Variants in TIMD4 observed in about 807,000 individuals in gnomAD.
TIMD4 encodes T-cell immunoglobulin and mucin domain-containing protein 4.
A neutral mutation model predicts 41.2 loss-of-function variants in TIMD4; 31 were observed. The observed-to-expected ratio is 0.75, with a 90% CI of 0.57 to 1.01. TIMD4 has a LOEUF of 1.01. Ranked by LOEUF, TIMD4 falls within the 50% of genes least tolerant of loss-of-function variation. TIMD4 has a pLI of 0.00. For missense variants in TIMD4, 479 were observed against 472.5 expected (o/e 1.01, Z -0.13); for synonymous variants, 204 against 177.1 (o/e 1.15, Z -1.21).
intron 3 of TIMD4, among the ~76,000 whole-genome samples, chr5:156,950,417 A>G (rs745586507): frequency 1.3e-5 from 2 of 152,276 alleles, no homozygotes; most frequent in Non-Finnish European, 2.9e-5. Flanking sequence ...AAAAATACAT[A>G]CAAGAATTGA....
chr5:156,942,771 C>T (rs1420759308), intron 5 of TIMD4, among the ~76,000 whole-genome samples: 5 of 152,198 alleles, frequency 3.3e-5, no homozygotes, highest in African/African-American at 1.2e-4. Context: ...TGGACCACAG[C>T]TCTTTTTCAG....
intron 6 of TIMD4, chr5:156,924,114 G>A (rs971724451): frequency 1.1e-5 from 3 of 273,160 alleles, no homozygotes; most frequent in African/African-American, 2.2e-5. Context: ...CCCACTGCCA[G>A]TAACATGTTC....
At chr5:156,950,458 A>G (rs1759831943) in intron 3 of TIMD4, among the ~76,000 whole-genome samples, 1 of 152,258 alleles carries the variant, frequency 6.6e-6, no homozygotes, top group African/African-American at 2.4e-5. Context: ...TTTAGGTACT[A>G]TTCAGAGTAT....
chr5:156,954,067 A>G (rs186861761), intron 2 of TIMD4, among the ~76,000 whole-genome samples: 7 of 152,116 alleles, frequency 4.6e-5, no homozygotes, highest in Non-Finnish European at 8.8e-5. Context: ...TTTTTTTATT[A>G]TTTTGAAATC....
At chr5:156,938,589 TTATCTCC>T (rs1759582443) in intron 5 of TIMD4, among the ~76,000 whole-genome samples, 1 of 152,188 alleles carries the variant, frequency 6.6e-6, no homozygotes. Context: ...CTCTTCTCTC[TTATCTCC>T]ACGTCTAGAT....
chr5:156,932,869 T>C (rs1328806104), intron 5 of TIMD4, among the ~76,000 whole-genome samples: 2 of 151,990 alleles, frequency 1.3e-5, no homozygotes, highest in African/African-American at 4.8e-5. Context: ...CCAGGCGTGG[T>C]GGTGGGTGCC....
At chr5:156,928,062 T>G (rs1759380392) in intron 5 of TIMD4, among the ~76,000 whole-genome samples, 1 of 152,038 alleles carries the variant, frequency 6.6e-6, no homozygotes, top group East Asian at 1.9e-4. Context: ...TCCCAGCACT[T>G]TGGGAGGCCG....
Position 156,920,477 on chromosome 5 carries a change from G to A in TIMD4, c.1039C>T (p.Gln347Ter). Residue 347 changes from glutamine to a stop codon, truncating the protein, a stop_gained, in exon 8 of 9, where the codon CAG becomes TAG. Transcript: ENST00000274532. LOFTEE classifies it low-confidence loss of function (END_TRUNC). ...RGKLMETYCSQKHTRLDYIGD... is the reference protein window; with the variant it reads ...RGKLMETYCS ...AAGATAGATTACCTTGTGTGTTTCT[G>A]CGAACAATAGGTTTCCATGAGTTTC... 1 of 1,614,072 alleles carries A rather than the reference G, an allele frequency of 6.2e-7. No individual in the cohort carries two copies. Among genetic ancestry groups the A allele is most frequent in the South Asian group, 1.1e-5 (1 of 91,084 alleles).
rs1263744020 is a variant in TIMD4, at chr5:156,957,515, A to AAAAAAAG, written c.59-2760_59-2759insCTTTTTT. 3.4e-3 allele frequency among the ~76,000 whole-genome samples: 513 copies of AAAAAAAG among 150,662 alleles called. 36 individuals are homozygous for AAAAAAAG. The highest frequency in any genetic ancestry group is 0.012 in the African/African-American group (498 of 41,056). ...GTGACAGAGCGAGAGTCTATCTCAAAAAAAAAAAAGAAAAAAGAAAAAGAA... is the reference window on the plus strand; with the variant it reads ...GTGACAGAGCGAGAGTCTATCTCAAAAAAAAAGAAAAAAAAAGAAAAAAGAAAAAGAA... On this transcript the variant is annotated intron_variant, in intron 1 of 8. Coordinates refer to ENST00000274532, the MANE Select transcript of TIMD4 (RefSeq NM_138379.3).
intron 2 of TIMD4, among the ~76,000 whole-genome samples, chr5:156,953,809 C>T (rs1296460804): frequency 2.6e-5 from 4 of 152,172 alleles, no homozygotes; most frequent in Non-Finnish European, 5.9e-5. Context: ...AAGCTCTATA[C>T]TGGACAAGCC....
chr5:156,959,502 A>T (rs956276629), intron 1 of TIMD4, among the ~76,000 whole-genome samples: 3 of 152,204 alleles, frequency 2.0e-5, no homozygotes, highest in Non-Finnish European at 4.4e-5. Context: ...CCCTGAGTAA[A>T]GCAATTGTTG....
At chr5:156,961,077 C>T (rs1561556997) in intron 1 of TIMD4, among the ~76,000 whole-genome samples, 2 of 152,144 alleles carry the variant, frequency 1.3e-5, no homozygotes, top group Admixed American at 6.5e-5. Context: ...TTCTCATGCA[C>T]CATGTTGGAA....
chr5:156,921,616 C>CCAAAAAAA (rs1561542964), intron 7 of TIMD4, among the ~76,000 whole-genome samples: 1 of 47,252 alleles, frequency 2.1e-5, no homozygotes, highest in Non-Finnish European at 4.0e-5. Flanking sequence ...GAGACTCTCT[C>CCAAAAAAA]AAAAAAAAAA....
At chr5:156,928,169 G>A (rs543288641) in intron 5 of TIMD4, among the ~76,000 whole-genome samples, 129 of 152,240 alleles carry the variant, frequency 8.5e-4, no homozygotes, top group Non-Finnish European at 1.4e-3. Flanking sequence ...ATGGTGGTGT[G>A]CGCCTGTAGT....
chr5:156,926,132 G>T, intron 6 of TIMD4, 131 bp downstream of exon 6: 2 of 825,786 alleles, frequency 2.4e-6, no homozygotes, highest in Non-Finnish European at 3.8e-6. Context: ...TCAAATTTCT[G>T]GCATCAAGTG....
intron 1 of TIMD4, among the ~76,000 whole-genome samples, chr5:156,962,885 C>A (rs900759851): frequency 6.6e-6 from 1 of 152,290 alleles, no homozygotes; most frequent in Middle Eastern, 3.4e-3. Context: ...ATTTCTGTGT[C>A]TCTTCTTCAG....
intron 5 of TIMD4, among the ~76,000 whole-genome samples, chr5:156,930,917 T>C (rs750047449): frequency 6.6e-6 from 1 of 152,220 alleles, no homozygotes; most frequent in Non-Finnish European, 1.5e-5. Flanking sequence ...AAAGATATTT[T>C]GCAATGTCAT....
In TIMD4 at chr5:156,921,616, C is replaced by CAA. The variant is rs66842169; in HGVS notation, c.1012+481_1012+482dup. 4.8e-3 allele frequency among the ~76,000 whole-genome samples: 229 copies of CAA among 47,218 alleles called. 5 individuals are homozygous for CAA. Among genetic ancestry groups the CAA allele is most frequent in the Non-Finnish European group, 7.0e-3 (174 of 24,888 alleles). The allele number at this position is 47,218 out of a possible 152,430, so 31.0% of individuals were successfully genotyped here. ...CCTGGACAACAGAATGAGACTCTCT[C>CAA]AAAAAAAAAAAAAAAAAAAAAAAAA... On this transcript the variant is annotated intron_variant, in intron 7 of 8. Coordinates refer to ENST00000274532, the MANE Select transcript of TIMD4 (RefSeq NM_138379.3).
At chr5:156,930,599 G>C (rs1759428991) in intron 5 of TIMD4, among the ~76,000 whole-genome samples, 1 of 152,182 alleles carries the variant, frequency 6.6e-6, no homozygotes, top group African/African-American at 2.4e-5. Context: ...GAGTGTAGCA[G>C]GCAATCCACT....
Sources: gnomAD v4.1 joint callset for allele counts (sites outside exome capture counted in the v4.1 genomes callset) on GRCh38, gnomAD v4.1.1 for gene constraint, MANE v1.5 for transcripts, NCBI Gene and HGNC (gene_info 2026-07-23, HGNC 2026-07-21) for gene names.